NSD2: variants seen among roughly 807,000 people sequenced by gnomAD.
The protein encoded by NSD2 is histone-lysine N-methyltransferase NSD2.
NSD2 carries 12 observed loss-of-function variants against 139.0 expected under a neutral mutation model. The observed-to-expected ratio is 0.09, with a 90% CI of 0.06 to 0.14. NSD2 has a LOEUF of 0.14. Ranked by LOEUF, NSD2 falls within the 10% of genes least tolerant of loss-of-function variation. NSD2 has a pLI of 1.00. For missense variants in NSD2, 1,155 were observed against 1,745.0 expected (o/e 0.66, Z 6.02); for synonymous variants, 669 against 648.7 (o/e 1.03, Z -0.48).
intron 1 of NSD2, among the ~76,000 whole-genome samples, chr4:1,890,083 T>C (rs970278918): frequency 1.5e-4 from 23 of 152,220 alleles, no homozygotes; most frequent in African/African-American, 5.5e-4. Context: ...TCATACAGCA[T>C]GTGGCCTTTG....
At chr4:1,940,851 G>A in intron 9 of NSD2, 1 of 1,057,268 alleles carries the variant, frequency 9.5e-7, no homozygotes, top group East Asian at 5.2e-5. Flanking sequence ...AGGGACCTAG[G>A]CAACCTGGGC....
chr4:1,928,006 CCACTTCCCAAGTAG>C (rs1721160855), intron 5 of NSD2, among the ~76,000 whole-genome samples: 1 of 151,998 alleles, frequency 6.6e-6, no homozygotes. Flanking sequence ...GCTTCCACCT[CCACTTCCCAAGTAG>C]CTGTGACTAC....
At chr4:1,905,467 T>G (rs1037465247) in intron 3 of NSD2, among the ~76,000 whole-genome samples, 9 of 152,254 alleles carry the variant, frequency 5.9e-5, no homozygotes, top group Non-Finnish European at 7.3e-5. Context: ...ACATGTCCCC[T>G]TCTGGTCTCT....
rs1719678324 is a variant in NSD2, at chr4:1,918,314, A to G, written c.1101A>G (p.Ala367=). The G allele has an allele frequency of 6.2e-7, 1 of 1,613,948 alleles. No homozygotes were observed. The highest frequency in any genetic ancestry group is 1.3e-5 in the African/African-American group (1 of 74,906). ...TAGCCAAGGAGGCTGGCATTGCTGC[A>G]GAGTCTTTGGGAGAAATGGCAGAAT... The part of the protein sequence containing the change: ...PQVAKEAGIA[A]ESLGEMAESS... Residue 367 remains alanine, a synonymous_variant, in exon 5 of 22, where the codon GCA becomes GCG. Coordinates refer to ENST00000508803, the MANE Select transcript of NSD2 (RefSeq NM_001042424.3).
rs764520817 is a variant in NSD2, at chr4:1,955,672, C to G, written c.2519-21C>G. 2 of 1,603,306 alleles carry G rather than the reference C, an allele frequency of 1.2e-6. No individual in the cohort carries two copies. The highest frequency in any genetic ancestry group is 1.7e-6 in the Non-Finnish European group (2 of 1,174,020). ...CCATAGCAGACAGGCTAAGCCTGGC[C>G]GCCTCGCCCTCCTCTTGCAGGGGGG... On this transcript the variant is annotated intron_variant, in intron 13 of 21. Transcript: ENST00000508803. The surrounding 1 kb of genome is among the most constrained non-coding windows in gnomAD (Gnocchi z 4.7).
At chr4:1,918,117 C>A in intron 4 of NSD2, 24 bp from the exon 5 acceptor site, 1 of 1,594,570 alleles carries the variant, frequency 6.3e-7, no homozygotes, top group Non-Finnish European at 8.5e-7. Context: ...GTGAAACTTA[C>A]AGTGTCTCTT....
chr4:1,941,786 GT>G, intron 9 of NSD2: 1 of 1,049,980 alleles, frequency 9.5e-7, no homozygotes, highest in Non-Finnish European at 1.1e-6. Context: ...GAATTATGCT[GT>G]TAAAACTACT....
chr4:1,976,623 A>G lies in NSD2; in HGVS notation c.3770A>G (p.Lys1257Arg). The stretch of plus-strand genomic sequence containing the variant: ...GGGCAGCTGGTGCTGTGTGACCGCA[A>G]GTTCTGCACCAAGGCCTACCACCTG... Reference protein sequence around the residue: ...DGGQLVLCDRKFCTKAYHLSC... With the variant: ...DGGQLVLCDRRFCTKAYHLSC... Residue 1257 changes from lysine to arginine, a missense_variant, in exon 21 of 22, where the codon AAG (lysine) becomes AGG (arginine). By Grantham distance (26) the Lys-to-Arg change is conservative (BLOSUM62 2). Transcript: ENST00000508803. The surrounding 1 kb of genome is among the most constrained non-coding windows in gnomAD (Gnocchi z 5.3). The G allele has an allele frequency of 6.2e-7, 1 of 1,608,620 alleles. No homozygotes were observed. The highest frequency in any genetic ancestry group is 1.3e-5 in the African/African-American group (1 of 75,020).
intron 6 of NSD2, among the ~76,000 whole-genome samples, chr4:1,933,485 G>C (rs1721925004): frequency 6.6e-6 from 1 of 152,216 alleles, no homozygotes; most frequent in South Asian, 2.1e-4. Flanking sequence ...CGCCTGGCGG[G>C]TTCATGCCAT....
intron 9 of NSD2, chr4:1,943,942 A>G (rs1210912601): frequency 1.9e-6 from 2 of 1,064,420 alleles, no homozygotes; most frequent in Non-Finnish European, 2.3e-6. Context: ...CAGCCAGCGC[A>G]TAGGTGCTCC....
intron 1 of NSD2, among the ~76,000 whole-genome samples, chr4:1,893,546 T>G (rs1393662910): frequency 4.4e-5 from 6 of 135,542 alleles, no homozygotes; most frequent in African/African-American, 7.9e-5. Context: ...GTTTTTTGTT[T>G]TTTTTTTTTT....
At chr4:1,936,206 C>G (rs1722377305) in intron 7 of NSD2, among the ~76,000 whole-genome samples, 1 of 152,158 alleles carries the variant, frequency 6.6e-6, no homozygotes, top group Non-Finnish European at 1.5e-5. Flanking sequence ...CAAGGAAACA[C>G]CGGGTTATTC....
rs747413223 is a variant in NSD2, at chr4:1,978,669, C to G, written c.3858C>G (p.Asp1286Glu). Residue 1286 changes from aspartate to glutamate, a missense_variant, in exon 22 of 22, where the codon GAC becomes GAG. Transcript: ENST00000508803. ...GKWECPWHHC[D>E]VCGKPSTSFC... Reference sequence around the variant, plus strand: ...GGGAATGTCCTTGGCATCATTGTGACGTGTGTGGCAAACCTTCGACTTCAT... The same window carrying G: ...GGGAATGTCCTTGGCATCATTGTGAGGTGTGTGGCAAACCTTCGACTTCAT... 2 of 1,613,286 alleles carry G rather than the reference C, an allele frequency of 1.2e-6. No individual in the cohort carries two copies. Among genetic ancestry groups the G allele is most frequent in the Non-Finnish European group, 1.7e-6 (2 of 1,179,492 alleles).
At chr4:1,951,302 C>G (rs893450430) in intron 10 of NSD2, 99 bp downstream of exon 10, 1 of 1,512,660 alleles carries the variant, frequency 6.6e-7, no homozygotes, top group South Asian at 1.2e-5. Context: ...CCCACCAGAC[C>G]CCTTCCCCAA....
chr4:1,872,219 C>A (rs889609159), intron 1 of NSD2, among the ~76,000 whole-genome samples: 1 of 152,084 alleles, frequency 6.6e-6, no homozygotes, highest in Non-Finnish European at 1.5e-5. Context: ...GGTGTGGGTA[C>A]CCTGCTGGGG....
intron 1 of NSD2, among the ~76,000 whole-genome samples, chr4:1,877,317 C>T (rs989774419): frequency 1.3e-5 from 2 of 152,174 alleles, no homozygotes; most frequent in African/African-American, 4.8e-5. Flanking sequence ...CCTTGTCTTT[C>T]TAAAATACAG....
chr4:1,939,693 A>C lies in NSD2; in HGVS notation c.1796A>C (p.Lys599Thr), dbSNP rs1171689736. The C allele has an allele frequency of 1.9e-6, 3 of 1,614,108 alleles. No homozygotes were observed. The highest frequency in any genetic ancestry group is 2.5e-6 in the Non-Finnish European group (3 of 1,180,038). The change falls in exon 9 of 22, where the codon AAG (lysine) becomes ACG (threonine). Residue 599 changes from lysine to threonine, a missense_variant. By Grantham distance (78) the Lys-to-Thr change is moderately conservative. Transcript: ENST00000508803. ...NLSDACKPLK[K>T]RNRASTAASS... ...TCTGATGCATGTAAACCACTGAAGA[A>C]GCGAAATCGGGCTTCCACGGCAGCA...
intron 12 of NSD2, among the ~76,000 whole-genome samples, chr4:1,954,209 T>G (rs1269634787): frequency 4.6e-5 from 7 of 152,064 alleles, no homozygotes; most frequent in Non-Finnish European, 2.9e-5. Context: ...GGTCTTGAAC[T>G]CCTGACCTCA....
chr4:1,960,271 G>T (rs190208208), intron 17 of NSD2, among the ~76,000 whole-genome samples: 84 of 152,342 alleles, frequency 5.5e-4, no homozygotes, highest in African/African-American at 2.0e-3. Context: ...TCAGAATTCT[G>T]ATGGTTATTT....
Sources: allele counts gnomAD v4.1 joint callset (sites outside exome capture counted in the v4.1 genomes callset), GRCh38; gene constraint gnomAD v4.1.1; non-coding constraint Gnocchi (gnomAD v3.1); transcripts MANE v1.5; gene names NCBI Gene and HGNC (gene_info 2026-07-23, HGNC 2026-07-21).